SDHA: variants seen among roughly 807,000 people sequenced by gnomAD.
SDHA encodes the protein succinate dehydrogenase [ubiquinone] flavoprotein subunit, mitochondrial.
In SDHA, 48 loss-of-function variants were observed where a neutral mutation model predicts 78.4. The ratio of observed to expected loss-of-function variants is 0.61; its 90% CI spans 0.49 to 0.78. SDHA has a LOEUF of 0.78. Ranked by LOEUF, SDHA falls within the 30% of genes least tolerant of loss-of-function variation. The probability of loss-of-function intolerance (pLI) is 0.00; values close to 1 mark genes in which losing one functional copy is unlikely to be tolerated. For synonymous variants in SDHA, 326 were observed against 353.9 expected, an observed-to-expected ratio of 0.92 and a Z score of 0.88; for missense variants, 680 against 892.7, an observed-to-expected ratio of 0.76 and a Z score of 3.04.
the SDHA span, among the ~76,000 whole-genome samples, chr5:265,669 C>T: frequency 1.8e-4 from 28 of 151,992 alleles, 1 homozygote; most frequent in South Asian, 5.2e-3. Context: ...AAATACAAAA[C>T]ATTAGCCAGG....
intron 2 of SDHA, 127 bp from the exon 3 acceptor site, chr5:224,233 C>T: frequency 1.0e-6 from 1 of 992,702 alleles, no homozygotes; most frequent in Non-Finnish European, 1.6e-6. Context: ...AGCCCCAGGA[C>T]AGGATGGAGG....
intron 11 of SDHA, among the ~76,000 whole-genome samples, chr5:242,772 C>T (rs527362666): frequency 2.3e-4 from 35 of 152,172 alleles, no homozygotes; most frequent in South Asian, 1.9e-3. Flanking sequence ...GTGAGTAAGA[C>T]GGGTAGCTCA....
At chr5:228,433 G>A (rs1391450424) in intron 6 of SDHA, 100 bp downstream of exon 6, 37 of 1,290,852 alleles carry the variant, frequency 2.9e-5, no homozygotes, top group Non-Finnish European at 3.9e-5. Flanking sequence ...TAGAATAACG[G>A]TTTAGACACA....
intron 14 of SDHA, 41 bp from the exon 15 acceptor site, chr5:256,293 A>G: frequency 6.9e-7 from 1 of 1,453,032 alleles, no homozygotes; most frequent in Non-Finnish European, 9.7e-7. Flanking sequence ...GGCTTTTTGT[A>G]CATTTTTGTG....
chr5:223,902 A>C (rs565501465), intron 2 of SDHA, among the ~76,000 whole-genome samples: 34 of 152,306 alleles, frequency 2.2e-4, no homozygotes. Context: ...GCCAGTGAAC[A>C]GTATCTGCTG....
At position 256,886 on chromosome 5, in the gene SDHA, C is replaced by G. The variant is rs1737240564; in HGVS notation, c.*466C>G. On this transcript the variant is annotated 3_prime_UTR_variant, in exon 15 of 15. Transcript: ENST00000264932. ...GTACAATCACAGCTCACTGCAGCCT[C>G]AAACTCCTGGGCAGCTCAGGTGATC... Among the ~76,000 whole-genome samples, 1 of 148,938 alleles carries G rather than the reference C, an allele frequency of 6.7e-6. No individual in the cohort carries two copies. The highest frequency in any genetic ancestry group is 2.5e-5 in the African/African-American group (1 of 40,252).
At chr5:228,374 A>C (rs1284049582) in intron 6 of SDHA, 41 bp downstream of exon 6, 1 of 1,575,060 alleles carries the variant, frequency 6.3e-7, no homozygotes, top group Non-Finnish European at 8.7e-7. Flanking sequence ...TATAAAAATG[A>C]ATAAATTTCA....
At chr5:246,387 A>C (rs1419999249) in intron 11 of SDHA, among the ~76,000 whole-genome samples, 1 of 150,422 alleles carries the variant, frequency 6.6e-6, no homozygotes, top group Admixed American at 6.6e-5. Context: ...CAGCTGATCG[A>C]AACGCAAGGC....
At chr5:257,659 C>CCT (rs1737294347), downstream of SDHA, among the ~76,000 whole-genome samples, 1 of 121,986 alleles carries the variant, frequency 8.2e-6, no homozygotes, top group Non-Finnish European at 1.6e-5. Flanking sequence ...CAGAGCATTA[C>CCT]TGGGTGAGCT....
intron 13 of SDHA, among the ~76,000 whole-genome samples, chr5:252,568 G>A (rs12517832): frequency 1.5e-5 from 2 of 129,838 alleles, no homozygotes; most frequent in African/African-American, 6.5e-5. Flanking sequence ...TGCCAGTTTA[G>A]TAACGAGTAA....
chr5:242,525 A>G (rs10062085), intron 11 of SDHA, among the ~76,000 whole-genome samples: 36,628 of 152,124 alleles, frequency 0.24, 6,848 homozygotes, highest in African/African-American at 0.52. Flanking sequence ...ATCTCTGTTC[A>G]AGGCTCTCAA....
chr5:228,596 C>T (rs1188825696), intron 6 of SDHA, among the ~76,000 whole-genome samples: 1 of 136,886 alleles, frequency 7.3e-6, no homozygotes, highest in African/African-American at 3.4e-5. Flanking sequence ...TTACCTCTCC[C>T]AATTTAGATG....
the SDHA span, among the ~76,000 whole-genome samples, chr5:263,418 A>T: frequency 1.3e-5 from 2 of 152,160 alleles, no homozygotes; most frequent in Non-Finnish European, 2.9e-5. Flanking sequence ...AGCTTGAATA[A>T]ATCTGAAAGT....
intron 11 of SDHA, chr5:250,745 T>C (rs369207685): frequency 3.3e-5 from 15 of 460,554 alleles, no homozygotes; most frequent in African/African-American, 1.0e-4. Context: ...GGCTGTATCC[T>C]GCTGGAAAGG....
Position 225,971 on chromosome 5 carries a change from A to G in SDHA, c.545A>G (p.Lys182Arg), listed in dbSNP as rs1269170598. ...GGTGGACAGAGCCTCAAGTTTGGAA[A>G]GGGCGGGCAGGCCCATCGGTGCTGC... ...AFGGQSLKFG[K>R]GGQAHRCCCV... Residue 182 changes from lysine (K) to arginine (R), a missense_variant, in exon 5 of 15, where the codon AAG becomes AGG. Coordinates refer to ENST00000264932, the MANE Select transcript of SDHA (RefSeq NM_004168.4). The G allele has an allele frequency of 1.2e-6, 2 of 1,614,038 alleles. No homozygotes were observed. Among genetic ancestry groups the G allele is most frequent in the Admixed American group, 3.3e-5 (2 of 60,014 alleles).
chr5:229,417 G>A (rs1369060000), intron 6 of SDHA, among the ~76,000 whole-genome samples: 8 of 152,140 alleles, frequency 5.3e-5, no homozygotes, highest in Admixed American at 2.0e-4. Context: ...AATATTATTC[G>A]GCTATGAAAA....
chr5:266,892 A>AGACCCTTGCC, the SDHA span, among the ~76,000 whole-genome samples: 11 of 150,768 alleles, frequency 7.3e-5, 1 homozygote, highest in South Asian at 2.1e-4. Context: ...TAAAATATTC[A>AGACCCTTGCC]GTCCCGTGCA....
intron 11 of SDHA, 141 bp from the exon 12 acceptor site, chr5:250,851 A>T: frequency 1.3e-6 from 1 of 750,448 alleles, no homozygotes; most frequent in Non-Finnish European, 2.3e-6. Flanking sequence ...TAATAAACTC[A>T]TAGTCTGAAT....
the SDHA span, among the ~76,000 whole-genome samples, chr5:262,189 C>CG: frequency 1.0e-5 from 1 of 97,652 alleles, no homozygotes; most frequent in South Asian, 3.6e-4. Context: ...CTCCGCCTCC[C>CG]GCCAGAGCAT....
Sources: gnomAD v4.1 joint callset for allele counts (sites outside exome capture counted in the v4.1 genomes callset) on GRCh38, gnomAD v4.1.1 for gene constraint, MANE v1.5 for transcripts, NCBI Gene and HGNC (gene_info 2026-07-23, HGNC 2026-07-21) for gene names.